Variants in PTPRG observed in about 807,000 individuals in gnomAD.
The protein encoded by PTPRG is protein tyrosine phosphatase receptor type G, also known as receptor-type tyrosine-protein phosphatase gamma.
A neutral mutation model predicts 165.3 loss-of-function variants in PTPRG; 102 were observed. That is an observed-to-expected ratio of 0.62 (90% CI 0.53 to 0.73). PTPRG has a LOEUF of 0.73. Among genes scored for constraint, PTPRG ranks in the 30% least tolerant of loss-of-function variants. The pLI, the probability that PTPRG is intolerant of heterozygous loss-of-function variation, is 0.00. For synonymous variants in PTPRG, 675 were observed against 669.5 expected (o/e 1.01, Z -0.13); for missense variants, 1,866 against 1,861.4 (o/e 1.00, Z -0.05).
At chr3:61,957,614 G>T (rs1051176791) in intron 2 of PTPRG, among the ~76,000 whole-genome samples, 3 of 152,202 alleles carry the variant, frequency 2.0e-5, no homozygotes, top group East Asian at 1.9e-4. Flanking sequence ...CTTCCAAGGG[G>T]ATGCCTTCCT....
chr3:62,062,428 A>G (rs955359244), intron 4 of PTPRG, among the ~76,000 whole-genome samples: 2 of 152,174 alleles, frequency 1.3e-5, no homozygotes, highest in Non-Finnish European at 2.9e-5. Context: ...AAATTCTTTC[A>G]GCTTTGCTCG....
At chr3:61,716,954 A>G (rs2031836018) in intron 1 of PTPRG, among the ~76,000 whole-genome samples, 1 of 152,172 alleles carries the variant, frequency 6.6e-6, no homozygotes, top group Non-Finnish European at 1.5e-5. Flanking sequence ...CCTGGGCAAC[A>G]CAGTGAGACT....
Position 61,899,271 on chromosome 3 carries a change from G to C in PTPRG, c.191-90354G>C, listed in dbSNP as rs115116931. Among the ~76,000 whole-genome samples, 830 of 152,228 alleles carry C rather than the reference G, an allele frequency of 5.5e-3. 5 individuals carry two copies. The highest frequency in any genetic ancestry group is 6.9e-3 in the Non-Finnish European group (467 of 68,024). On this transcript the variant is annotated intron_variant, in intron 2 of 29. Coordinates refer to ENST00000474889, the MANE Select transcript of PTPRG (RefSeq NM_002841.4). Reference sequence around the variant, plus strand: ...GGTTAGTTCTGATAATGGTGTGTTAGTTACACATGGAATGGGTGAATAATT... The same window carrying C: ...GGTTAGTTCTGATAATGGTGTGTTACTTACACATGGAATGGGTGAATAATT...
At chr3:61,599,740 C>T (rs914693936) in intron 1 of PTPRG, among the ~76,000 whole-genome samples, 4 of 151,760 alleles carry the variant, frequency 2.6e-5, no homozygotes, top group Non-Finnish European at 5.9e-5. Context: ...GTGATCTGCA[C>T]GCCTTGGCCT....
chr3:61,784,403 T>A (rs1217540029), intron 2 of PTPRG, among the ~76,000 whole-genome samples: 1 of 152,256 alleles, frequency 6.6e-6, no homozygotes, highest in African/African-American at 2.4e-5. Context: ...TAAATATTTT[T>A]GATTCTATAA....
intron 1 of PTPRG, among the ~76,000 whole-genome samples, chr3:61,673,463 A>C (rs1292718439): frequency 6.6e-6 from 1 of 152,232 alleles, no homozygotes; most frequent in Admixed American, 6.5e-5. Context: ...GATACACCTT[A>C]GATGGTATAT....
rs553859546 is a variant in PTPRG, at chr3:61,829,357, T to C, written c.190+80375T>C. ...CAAACGTGCACTCTGTTTGTTCACA[T>C]TGGGTAATGAATGACCTTTCTGTTT... On this transcript the variant is annotated intron_variant, in intron 2 of 29. Coordinates refer to ENST00000474889, the MANE Select transcript of PTPRG (RefSeq NM_002841.4). Among the ~76,000 whole-genome samples the C allele has an allele frequency of 2.0e-5, 3 of 152,366 alleles. No homozygotes were observed. In the South Asian group the frequency reaches 6.2e-4, roughly 32 times the overall value.
At chr3:61,927,800 TC>T (rs1454294417) in intron 2 of PTPRG, among the ~76,000 whole-genome samples, 2 of 152,186 alleles carry the variant, frequency 1.3e-5, no homozygotes, top group Non-Finnish European at 2.9e-5. Flanking sequence ...AGGATTATCT[TC>T]TTTATGCAGC....
At chr3:62,286,137 A>G (rs1223543408) in intron 28 of PTPRG, among the ~76,000 whole-genome samples, 1 of 152,176 alleles carries the variant, frequency 6.6e-6, no homozygotes, top group Admixed American at 6.6e-5. Context: ...TTTGGCCCTG[A>G]GATCAAAGAG....
intron 5 of PTPRG, among the ~76,000 whole-genome samples, chr3:62,110,619 T>A (rs571248964): frequency 1.3e-3 from 203 of 151,994 alleles, no homozygotes; most frequent in African/African-American, 4.5e-3. Context: ...AAAAGTGCAA[T>A]AGAGTTTGCA....
rs1025440960 is a variant in PTPRG, at chr3:62,222,166, T to C, written c.2288+3183T>C. Reference sequence around the variant, plus strand: ...TGTTCAGAACCCTTTTCTATTGCAGTTGACAAAAATCCATTTCAAAATGCC... The same window carrying C: ...TGTTCAGAACCCTTTTCTATTGCAGCTGACAAAAATCCATTTCAAAATGCC... On this transcript the variant is annotated intron_variant, in intron 13 of 29. Transcript: ENST00000474889. The surrounding 1 kb of genome is among the most constrained non-coding windows in gnomAD (Gnocchi z 4.5). Among the ~76,000 whole-genome samples the C allele has an allele frequency of 2.6e-5, 4 of 152,234 alleles. No homozygotes were observed. The highest frequency in any genetic ancestry group is 2.0e-4 in the Admixed American group (3 of 15,284).
chr3:61,621,067 G>GTA (rs1701444255), intron 1 of PTPRG, among the ~76,000 whole-genome samples: 1 of 139,748 alleles, frequency 7.2e-6, no homozygotes, highest in African/African-American at 2.6e-5. Flanking sequence ...GTGTGTGTGT[G>GTA]TGTGTGTGTG....
Position 62,203,764 on chromosome 3 carries a change from G to T in PTPRG, c.1969G>T (p.Gly657Cys). 1 of 1,610,256 alleles carries T rather than the reference G, an allele frequency of 6.2e-7. No homozygotes were observed. The highest frequency in any genetic ancestry group is 8.5e-7 in the Non-Finnish European group (1 of 1,178,088). ...CACTGCCGTCCCCACAGACCAGACGGGCGGAAGGAGGGATGCCGGCCCAGG... is the reference window on the plus strand; with the variant it reads ...CACTGCCGTCCCCACAGACCAGACGTGCGGAAGGAGGGATGCCGGCCCAGG... ...DHTAVPTDQT[G>C]GRRDAGPGLD... The change falls in exon 12 of 30, where the codon GGC becomes TGC. Residue 657 changes from glycine to cysteine, a missense_variant. This residue lies in a region of PTPRG where 1,452 missense variants were observed against 1,463.0 expected (regional missense o/e 0.99). Transcript: ENST00000474889. The surrounding 1 kb of genome is among the most constrained non-coding windows in gnomAD (Gnocchi z 6.4).
At chr3:62,109,221 A>G (rs752902547) in intron 5 of PTPRG, among the ~76,000 whole-genome samples, 4 of 152,258 alleles carry the variant, frequency 2.6e-5, no homozygotes, top group Middle Eastern at 6.8e-3. Flanking sequence ...TGATTTTTGT[A>G]TAAGGTGTAA....
chr3:61,954,973 T>G (rs1405703459), intron 2 of PTPRG, among the ~76,000 whole-genome samples: 1 of 152,248 alleles, frequency 6.6e-6, no homozygotes, highest in Non-Finnish European at 1.5e-5. Context: ...AATCATCTGA[T>G]GGAATCAAGT....
intron 1 of PTPRG, among the ~76,000 whole-genome samples, chr3:61,634,580 A>G (rs1701855932): frequency 6.6e-6 from 1 of 151,190 alleles, no homozygotes; most frequent in Non-Finnish European, 1.5e-5. Context: ...GTTGTGTTGG[A>G]TTTTATCAAA....
intron 1 of PTPRG, among the ~76,000 whole-genome samples, chr3:61,584,555 C>T (rs1411737507): frequency 6.8e-6 from 1 of 147,924 alleles, no homozygotes; most frequent in Non-Finnish European, 1.5e-5. Context: ...GAGCACTGTA[C>T]TTTCAAGTAA....
intron 14 of PTPRG, among the ~76,000 whole-genome samples, chr3:62,232,792 T>C (rs897859445): frequency 1.2e-4 from 18 of 152,162 alleles, no homozygotes; most frequent in Admixed American, 3.3e-4. Context: ...GGTCTAGGAG[T>C]TGGGAACCAT....
chr3:61,626,541 A>G (rs1701614382), intron 1 of PTPRG, among the ~76,000 whole-genome samples: 1 of 152,220 alleles, frequency 6.6e-6, no homozygotes, highest in African/African-American at 2.4e-5. Context: ...GAATTGGAAT[A>G]TTCGAATGTG....
Sources: gnomAD v4.1 joint callset for allele counts (sites outside exome capture counted in the v4.1 genomes callset) on GRCh38, gnomAD v4.1.1 for gene constraint, gnomAD v4.1.1 regional missense constraint, Gnocchi (gnomAD v3.1) non-coding constraint, MANE v1.5 for transcripts, NCBI Gene and HGNC (gene_info 2026-07-23, HGNC 2026-07-21) for gene names.